Variants in SPMAP2L observed in about 807,000 individuals in gnomAD.
SPMAP2L encodes sperm microtubule associated protein 2-like.
At chr4:56,530,657 G>T in the SPMAP2L span, 2 of 1,529,418 alleles carry the variant, frequency 1.3e-6, no homozygotes, top group Admixed American at 4.0e-5. Context: ...TCCCGCGCGC[G>T]ACAGAAGCTT....
the SPMAP2L span, among the ~76,000 whole-genome samples, chr4:56,574,509 G>A: frequency 1.3e-5 from 2 of 152,114 alleles, no homozygotes; most frequent in Non-Finnish European, 2.9e-5. Flanking sequence ...TGATTATTCT[G>A]TGCACATCAT....
At chr4:56,537,755 C>T in the SPMAP2L span, among the ~76,000 whole-genome samples, 8 of 151,722 alleles carry the variant, frequency 5.3e-5, no homozygotes, top group South Asian at 2.1e-4. Flanking sequence ...CAGTGGCGCG[C>T]GATCTCGGCT....
At chr4:56,551,592 C>T in the SPMAP2L span, among the ~76,000 whole-genome samples, 1 of 152,072 alleles carries the variant, frequency 6.6e-6, no homozygotes, top group Non-Finnish European at 1.5e-5. Context: ...GACTCCTGTG[C>T]CTATTTTTCA....
the SPMAP2L span, among the ~76,000 whole-genome samples, chr4:56,571,873 A>G: frequency 3.2e-4 from 48 of 152,188 alleles, no homozygotes; most frequent in South Asian, 9.7e-3. Context: ...ACATTAGCCT[A>G]AGCCTACAGA....
At chr4:56,573,873 G>A in the SPMAP2L span, among the ~76,000 whole-genome samples, 1 of 152,112 alleles carries the variant, frequency 6.6e-6, no homozygotes, top group Non-Finnish European at 1.5e-5. Context: ...GCAGATTGAG[G>A]CTTACAAGAC....
the SPMAP2L span, chr4:56,575,593 C>G: frequency 3.9e-6 from 6 of 1,535,302 alleles, no homozygotes; most frequent in Non-Finnish European, 3.5e-6. Flanking sequence ...CAAAAGGATC[C>G]AGAGGCTGTC....
the SPMAP2L span, among the ~76,000 whole-genome samples, chr4:56,622,981 GA>G: frequency 6.6e-6 from 1 of 152,124 alleles, no homozygotes; most frequent in African/African-American, 2.4e-5. Context: ...TAATGGGAGG[GA>G]AGGCAGATTG....
the SPMAP2L span, among the ~76,000 whole-genome samples, chr4:56,590,398 A>T: frequency 6.6e-6 from 1 of 152,240 alleles, no homozygotes; most frequent in African/African-American, 2.4e-5. Flanking sequence ...AGGTTCATTC[A>T]ATGTGCAAGA....
the SPMAP2L span, among the ~76,000 whole-genome samples, chr4:56,567,442 G>GTTT: frequency 1.1e-3 from 69 of 65,572 alleles, 6 homozygotes; most frequent in African/African-American, 3.8e-3. Context: ...AATTTTGGTG[G>GTTT]TTTTTTTTTT....
the SPMAP2L span, among the ~76,000 whole-genome samples, chr4:56,585,755 C>G: frequency 2.0e-5 from 3 of 152,314 alleles, no homozygotes; most frequent in African/African-American, 7.2e-5. Context: ...AAAATGTTTG[C>G]TTGTAGCAGC....
At chr4:56,577,484 A>G in the SPMAP2L span, among the ~76,000 whole-genome samples, 2 of 152,172 alleles carry the variant, frequency 1.3e-5, no homozygotes, top group Non-Finnish European at 2.9e-5. Flanking sequence ...GACATTTTAT[A>G]TTATAAAAGA....
chr4:56,558,373 C>A, the SPMAP2L span, among the ~76,000 whole-genome samples: 1 of 152,150 alleles, frequency 6.6e-6, no homozygotes, highest in Non-Finnish European at 1.5e-5. Flanking sequence ...ACATTATCCT[C>A]AGTGACTTTT....
chr4:56,595,165 G>A, the SPMAP2L span: 1 of 1,611,624 alleles, frequency 6.2e-7, no homozygotes, highest in Non-Finnish European at 8.5e-7. Context: ...GATATTAAAT[G>A]CCAACTACAT....
the SPMAP2L span, among the ~76,000 whole-genome samples, chr4:56,610,910 T>C: frequency 2.0e-5 from 3 of 152,138 alleles, no homozygotes; most frequent in African/African-American, 7.2e-5. Flanking sequence ...ACCTTACTCC[T>C]GAAAGGATGG....
the SPMAP2L span, among the ~76,000 whole-genome samples, chr4:56,623,561 C>T: frequency 6.6e-6 from 1 of 152,190 alleles, no homozygotes; most frequent in Non-Finnish European, 1.5e-5. Flanking sequence ...ACTCAAATCT[C>T]AACTTGAATT....
the SPMAP2L span, among the ~76,000 whole-genome samples, chr4:56,599,482 A>G: frequency 6.6e-6 from 1 of 152,122 alleles, no homozygotes; most frequent in Non-Finnish European, 1.5e-5. Flanking sequence ...TGCTGCACCT[A>G]TCAACCTGTC....
At chr4:56,615,815 C>T in the SPMAP2L span, among the ~76,000 whole-genome samples, 29,760 of 152,064 alleles carry the variant, frequency 0.2, 3,546 homozygotes, top group East Asian at 0.41. Context: ...ACCCTTACAA[C>T]CCCTGACCAG....
At chr4:56,569,810 C>T in the SPMAP2L span, among the ~76,000 whole-genome samples, 2,755 of 152,210 alleles carry the variant, frequency 0.018, 96 homozygotes, top group African/African-American at 0.062. Context: ...AAAAAAGTTA[C>T]TGGAGATGTC....
chr4:56,576,282 GA>G, the SPMAP2L span, among the ~76,000 whole-genome samples: 3 of 152,164 alleles, frequency 2.0e-5, no homozygotes, highest in Non-Finnish European at 4.4e-5. Context: ...TATGTTATGT[GA>G]AAAATAATTA....
Sources: gnomAD v4.1 joint callset for allele counts (sites outside exome capture counted in the v4.1 genomes callset) on GRCh38, gnomAD v4.1.1 for gene constraint, MANE v1.5 for transcripts, NCBI Gene and HGNC (gene_info 2026-07-23, HGNC 2026-07-21) for gene names.